GALNTL6: variants seen among roughly 807,000 people sequenced by gnomAD.
The protein encoded by GALNTL6 is polypeptide N-acetylgalactosaminyltransferase-like 6.
Under a neutral mutation model 73.7 loss-of-function variants are expected in GALNTL6, and 46 were observed. The observed-to-expected ratio is 0.62, with a 90% CI of 0.49 to 0.80. GALNTL6 has a LOEUF of 0.80. Among genes scored for constraint, GALNTL6 ranks in the 30% least tolerant of loss-of-function variants. The probability of loss-of-function intolerance (pLI) is 0.00; values close to 1 mark genes in which losing one functional copy is unlikely to be tolerated. For missense variants in GALNTL6, 604 were observed against 755.0 expected (o/e 0.80, Z 2.34); for synonymous variants, 259 against 263.7 (o/e 0.98, Z 0.17).
intron 10 of GALNTL6, among the ~76,000 whole-genome samples, chr4:172,957,376 G>T (rs531954222): frequency 1.3e-5 from 2 of 152,144 alleles, no homozygotes; most frequent in Non-Finnish European, 2.9e-5. Flanking sequence ...TATTTTCCTC[G>T]GTCTAAGAAC....
intron 4 of GALNTL6, among the ~76,000 whole-genome samples, chr4:172,337,975 T>A (rs1010751453): frequency 4.0e-5 from 6 of 149,472 alleles, no homozygotes; most frequent in African/African-American, 1.2e-4. Context: ...TTTTCTAATT[T>A]AAAAAAAAAA....
chr4:172,209,539 C>G (rs910906051), intron 2 of GALNTL6, among the ~76,000 whole-genome samples: 7 of 151,452 alleles, frequency 4.6e-5, no homozygotes, highest in African/African-American at 1.2e-4. Flanking sequence ...TGAATCGTAA[C>G]AAGTACGTAC....
chr4:172,237,032 CA>C (rs1737267641), intron 3 of GALNTL6, among the ~76,000 whole-genome samples: 1 of 152,074 alleles, frequency 6.6e-6, no homozygotes, highest in South Asian at 2.1e-4. Context: ...CATGTTGCTG[CA>C]AAAAACATGA....
chr4:171,908,568 T>C (rs1056188335), intron 2 of GALNTL6, among the ~76,000 whole-genome samples: 27 of 151,898 alleles, frequency 1.8e-4, no homozygotes, highest in Middle Eastern at 3.4e-3. Flanking sequence ...AGTTCAACCA[T>C]TGTGGAAGTC....
intron 5 of GALNTL6, among the ~76,000 whole-genome samples, chr4:172,424,635 G>C (rs1387797566): frequency 6.6e-6 from 1 of 152,126 alleles, no homozygotes; most frequent in Non-Finnish European, 1.5e-5. Flanking sequence ...GTTATTCATG[G>C]ACCAGGAGGA....
intron 5 of GALNTL6, among the ~76,000 whole-genome samples, chr4:172,617,050 T>A (rs766933311): frequency 2.0e-5 from 3 of 152,128 alleles, no homozygotes; most frequent in Non-Finnish European, 4.4e-5. Context: ...TTCGCATTTT[T>A]TTTTTGTATG....
intron 5 of GALNTL6, among the ~76,000 whole-genome samples, chr4:172,740,681 G>A (rs1019645222): frequency 6.6e-6 from 1 of 152,012 alleles, no homozygotes; most frequent in Admixed American, 6.6e-5. Context: ...ATACTACATG[G>A]TGTGTGGGAT....
chr4:172,137,110 C>G (rs1579173776), intron 2 of GALNTL6, among the ~76,000 whole-genome samples: 1 of 151,946 alleles, frequency 6.6e-6, no homozygotes, highest in East Asian at 1.9e-4. Context: ...GTCTTAGAGA[C>G]TAGAATAAAT....
chr4:172,646,662 A>G (rs1740257352), intron 5 of GALNTL6, among the ~76,000 whole-genome samples: 1 of 152,006 alleles, frequency 6.6e-6, no homozygotes, highest in Non-Finnish European at 1.5e-5. Flanking sequence ...TAATAACGCC[A>G]TTTTTGTTTT....
intron 7 of GALNTL6, among the ~76,000 whole-genome samples, chr4:172,880,234 C>G (rs1022696828): frequency 1.3e-5 from 2 of 151,966 alleles, no homozygotes; most frequent in Non-Finnish European, 2.9e-5. Flanking sequence ...TGTAATAGCC[C>G]CAAACTGCGA....
intron 9 of GALNTL6, among the ~76,000 whole-genome samples, chr4:172,946,103 T>C (rs1749152330): frequency 6.7e-6 from 1 of 148,254 alleles, no homozygotes; most frequent in Non-Finnish European, 1.5e-5. Flanking sequence ...TTACTAGTTA[T>C]CACTAGTTTT....
chr4:172,593,653 C>T (rs2111005840), intron 5 of GALNTL6, among the ~76,000 whole-genome samples: 1 of 151,344 alleles, frequency 6.6e-6, no homozygotes, highest in South Asian at 2.1e-4. Flanking sequence ...ACTCATTAAG[C>T]ATGACTTGTT....
At chr4:172,116,019 A>G (rs1732974830) in intron 2 of GALNTL6, among the ~76,000 whole-genome samples, 1 of 152,006 alleles carries the variant, frequency 6.6e-6, no homozygotes, top group Admixed American at 6.6e-5. Context: ...AGTTGAATCT[A>G]CCTAGATACA....
At chr4:171,864,213 A>G (rs990219727) in intron 2 of GALNTL6, among the ~76,000 whole-genome samples, 2 of 152,196 alleles carry the variant, frequency 1.3e-5, no homozygotes, top group Non-Finnish European at 1.5e-5. Flanking sequence ...AAAGGAAATA[A>G]TTATCTATAG....
At chr4:172,296,578 G>T (rs971757934) in intron 3 of GALNTL6, among the ~76,000 whole-genome samples, 7 of 151,930 alleles carry the variant, frequency 4.6e-5, no homozygotes, top group Non-Finnish European at 8.8e-5. Flanking sequence ...TGTTCTCATT[G>T]TTCAGTTCCC....
chr4:172,105,837 T>G (rs1023920317), intron 2 of GALNTL6, among the ~76,000 whole-genome samples: 6 of 152,160 alleles, frequency 3.9e-5, no homozygotes, highest in Non-Finnish European at 7.4e-5. Flanking sequence ...ACATGTTCAA[T>G]AGAGAACAAG....
chr4:172,217,786 A>G (rs1485651458), intron 2 of GALNTL6, among the ~76,000 whole-genome samples: 1 of 152,144 alleles, frequency 6.6e-6, no homozygotes, highest in Non-Finnish European at 1.5e-5. Flanking sequence ...TTGTCTCGTC[A>G]GACTGTTAGG....
At chr4:172,282,563 T>A (rs1579330063) in intron 3 of GALNTL6, among the ~76,000 whole-genome samples, 1 of 151,880 alleles carries the variant, frequency 6.6e-6, no homozygotes, top group South Asian at 2.1e-4. Flanking sequence ...ACAGACACCA[T>A]GCTAAGCAAA....
At chr4:172,543,100 G>A (rs201837550) in intron 5 of GALNTL6, among the ~76,000 whole-genome samples, 5 of 151,986 alleles carry the variant, frequency 3.3e-5, no homozygotes, top group Non-Finnish European at 7.4e-5. Flanking sequence ...CATCGCAAAA[G>A]AAAAGGAACA....
Sources: allele counts gnomAD v4.1 joint callset (sites outside exome capture counted in the v4.1 genomes callset), GRCh38; gene constraint gnomAD v4.1.1; transcripts MANE v1.5; gene names NCBI Gene and HGNC (gene_info 2026-07-23, HGNC 2026-07-21).